Variants in TAF8 observed in about 807,000 individuals in gnomAD.
TAF8 encodes TATA-box binding protein associated factor 8.
TAF8 carries 47 observed loss-of-function variants against 36.5 expected under a neutral mutation model. The ratio of observed to expected loss-of-function variants is 1.29; its 90% confidence interval spans 1.02 to 1.64. TAF8 has a LOEUF of 1.64. Ranked by LOEUF, TAF8 falls within the 40% of genes most tolerant of loss-of-function variation. TAF8 has a pLI of 0.00. For synonymous variants in TAF8, 175 were observed against 159.5 expected, an observed-to-expected ratio of 1.10 and a Z score of -0.73; for missense variants, 420 against 407.6, an observed-to-expected ratio of 1.03 and a Z score of -0.26.
At position 42,055,635 on chromosome 6, in the gene TAF8, T is replaced by C; in HGVS notation, c.301+6T>C. 6.2e-7 allele frequency: 1 copy of C among 1,610,142 alleles called. No homozygotes were observed. Among genetic ancestry groups the C allele is most frequent in the Non-Finnish European group, 8.5e-7 (1 of 1,176,358 alleles). On this transcript the variant is annotated splice_donor_region_variant and intron_variant, in intron 3 of 8. Coordinates refer to ENST00000372977, the MANE Select transcript of TAF8 (RefSeq NM_138572.3). ...GGTCACACTTGTTGAGATGGGTGAG[T>C]ATACCTTCAGTTTCCAGTTCTTCGA...
At chr6:42,064,038 A>G (rs1765272436) in intron 5 of TAF8, among the ~76,000 whole-genome samples, 1 of 152,200 alleles carries the variant, frequency 6.6e-6, no homozygotes, top group South Asian at 2.1e-4. Context: ...AAACATATGT[A>G]ACATCATTGG....
Position 42,068,406 on chromosome 6 carries a change from C to CT in TAF8, c.638-58dup. On this transcript the variant is annotated intron_variant, in intron 6 of 8. Coordinates refer to ENST00000372977, the MANE Select transcript of TAF8 (RefSeq NM_138572.3). ...TGATTTGTTGTGAGGCTCTAGGACT[C>CT]TAAGCCAGCTGCGAGGTCTCTGTGA... is the stretch of plus-strand genomic sequence containing the variant. The CT allele has an allele frequency of 2.5e-6, 4 of 1,604,836 alleles. No individual in the cohort carries two copies. The South Asian group carries it at 4.4e-5, about 18-fold the overall frequency.
At chr6:42,050,851 G>T in intron 1 of TAF8, 1 of 1,073,676 alleles carries the variant, frequency 9.3e-7, no homozygotes, top group South Asian at 3.6e-5. Context: ...TGCCGTTTTC[G>T]CCTTCTTATT....
At chr6:42,054,678 G>A (rs183247871) in intron 2 of TAF8, among the ~76,000 whole-genome samples, 28 of 145,020 alleles carry the variant, frequency 1.9e-4, no homozygotes, top group African/African-American at 7.0e-4. Flanking sequence ...GTGCCATCTC[G>A]GCTCACTGCA....
downstream of TAF8, among the ~76,000 whole-genome samples, chr6:42,084,283 C>T (rs1289062565): frequency 6.6e-6 from 1 of 150,960 alleles, no homozygotes; most frequent in Non-Finnish European, 1.5e-5. Context: ...GAGGAGAAAA[C>T]ACGGTGTATT....
intron 5 of TAF8, 77 bp downstream of exon 5, chr6:42,057,590 C>T (rs745773178): frequency 6.4e-7 from 1 of 1,571,620 alleles, no homozygotes; most frequent in African/African-American, 1.4e-5. Flanking sequence ...GTGGCAGAGT[C>T]CAGTCCAAAA....
intron 6 of TAF8, among the ~76,000 whole-genome samples, 168 bp downstream of exon 6, chr6:42,066,627 T>C (rs1345383975): frequency 6.6e-6 from 1 of 152,192 alleles, no homozygotes; most frequent in African/African-American, 2.4e-5. Context: ...AGTCTGTCCT[T>C]AACTGACGAC....
chr6:42,057,464 C>G lies in TAF8; in HGVS notation c.440C>G (p.Pro147Arg). ...AACCGACCCCACCCGCCGCACATCC[C>G]CAGCCATTTTCCTGAGTTCCCTGAT... ...GQNRPHPPHI[P>R]SHFPEFPDPH... The change falls in exon 5 of 9, where the codon CCC becomes CGC. Residue 147 changes from proline to arginine, a missense_variant. Transcript: ENST00000372977. 1 of 1,614,122 alleles carries G rather than the reference C, an allele frequency of 6.2e-7. No individual in the cohort carries two copies. Among genetic ancestry groups the G allele is most frequent in the Non-Finnish European group, 8.5e-7 (1 of 1,180,034 alleles).
chr6:42,054,419 T>G (rs1182573943), intron 2 of TAF8, among the ~76,000 whole-genome samples: 1 of 152,134 alleles, frequency 6.6e-6, no homozygotes, highest in Non-Finnish European at 1.5e-5. Flanking sequence ...GCCATTTACA[T>G]TATTTCCAGA....
At chr6:42,064,857 TGAGGCA>T (rs1359486514) in intron 5 of TAF8, among the ~76,000 whole-genome samples, 1 of 139,488 alleles carries the variant, frequency 7.2e-6, no homozygotes, top group Non-Finnish European at 1.5e-5. Context: ...CTCGGGAGGC[TGAGGCA>T]GGAGAATGGC....
At position 42,081,697 on chromosome 6, in the gene TAF8, G is replaced by A. The variant is rs1765931986; in HGVS notation, c.*4152G>A. The A allele has an allele frequency of 2.6e-5, 4 of 152,064 alleles. No individual in the cohort carries two copies. The highest frequency in any genetic ancestry group is 9.7e-5 in the African/African-American group (4 of 41,378). The allele number at this position is 152,064 out of a possible 1,614,324, so 9.4% of individuals were successfully genotyped here. On this transcript the variant is annotated 3_prime_UTR_variant, in exon 9 of 9. Transcript: ENST00000372977. ...TTTTTTTGTAGGTTTAGTAGAGATG[G>A]GGTTTCACCATGTTGGCCAGACTGG... is the stretch of plus-strand genomic sequence containing the variant.
chr6:42,080,849 T>TA lies in TAF8; in HGVS notation c.*3309dup, dbSNP rs1200637749. ...GGCCAAAAGTAGTAAACATGCAGAT[T>TA]AAAAATGTTTATGAAAATCTCAATA... On this transcript the variant is annotated 3_prime_UTR_variant, in exon 9 of 9. Transcript: ENST00000372977. 1 of 979,748 alleles carries TA rather than the reference T, an allele frequency of 1.0e-6. No individual in the cohort carries two copies. The highest frequency in any genetic ancestry group is 1.8e-5 in the African/African-American group (1 of 57,126). 60.7% of individuals were successfully genotyped at this position (979,748 alleles called of 1,614,324 possible).
intron 6 of TAF8, among the ~76,000 whole-genome samples, chr6:42,068,047 C>T (rs532274468): frequency 1.2e-4 from 18 of 152,168 alleles, no homozygotes; most frequent in South Asian, 4.1e-4. Context: ...TATTCCTGCT[C>T]TGGAAGTGAA....
chr6:42,086,933 A>T, downstream of TAF8: 1 of 662,606 alleles, frequency 1.5e-6, no homozygotes, highest in Non-Finnish European at 2.7e-6. Flanking sequence ...GCCATCGGGA[A>T]GGTCATTCAG....
At chr6:42,071,537 G>A (rs137954862) in intron 7 of TAF8, 2,119 of 156,490 alleles carry the variant, frequency 0.014, 29 homozygotes, top group Non-Finnish European at 0.019. Flanking sequence ...TGTTGGTCAC[G>A]CTGGTCTTGA....
intron 5 of TAF8, among the ~76,000 whole-genome samples, chr6:42,062,658 C>T (rs1380427113): frequency 6.6e-6 from 1 of 150,932 alleles, no homozygotes; most frequent in Non-Finnish European, 1.5e-5. Flanking sequence ...CTGCCTCAGC[C>T]TCCCAAGTGG....
At chr6:42,075,618 G>T (rs1765718714) in intron 7 of TAF8, among the ~76,000 whole-genome samples, 1 of 152,080 alleles carries the variant, frequency 6.6e-6, no homozygotes, top group African/African-American at 2.4e-5. Flanking sequence ...GTCAGTGAGG[G>T]CCTCTTTAGC....
intron 5 of TAF8, among the ~76,000 whole-genome samples, chr6:42,064,729 G>A (rs1218640204): frequency 4.6e-5 from 7 of 151,746 alleles, no homozygotes; most frequent in Non-Finnish European, 4.4e-5. Flanking sequence ...AGGCTGAGGC[G>A]GGTGGATCAC....
At chr6:42,084,381 T>C (rs1050659991), downstream of TAF8, among the ~76,000 whole-genome samples, 3 of 152,164 alleles carry the variant, frequency 2.0e-5, no homozygotes, top group African/African-American at 7.2e-5. Flanking sequence ...CCTCATGATA[T>C]CCTAATGAGG....
Sources: gnomAD v4.1 joint callset for allele counts (sites outside exome capture counted in the v4.1 genomes callset) on GRCh38, gnomAD v4.1.1 for gene constraint, MANE v1.5 for transcripts, NCBI Gene and HGNC (gene_info 2026-07-23, HGNC 2026-07-21) for gene names.